ADGRV1: variants seen among roughly 807,000 people sequenced by gnomAD.
ADGRV1 encodes G-protein coupled receptor 98.
Under a neutral mutation model 596.2 loss-of-function variants are expected in ADGRV1, and 359 were observed. That is an observed-to-expected ratio of 0.60 (90% CI 0.55 to 0.66). The LOEUF (loss-of-function observed/expected upper bound fraction) is 0.66, where lower values mean the gene tolerates loss of function less well. Among genes scored for constraint, ADGRV1 ranks in the 30% least tolerant of loss-of-function variants. The pLI is 0.00. For missense variants in ADGRV1, 7,274 were observed against 7,575.6 expected (o/e 0.96, Z 1.48); for synonymous variants, 2,681 against 2,679.2 (o/e 1.00, Z -0.02).
intron 83 of ADGRV1, among the ~76,000 whole-genome samples, chr5:90,869,784 T>A (rs1768487844): frequency 6.6e-6 from 1 of 152,212 alleles, no homozygotes; most frequent in Non-Finnish European, 1.5e-5. Flanking sequence ...TAGGTACTAA[T>A]ATTATTCTCA....
Position 90,828,952 on chromosome 5 carries a change from G to GGTTGAAGTGTATTTTTTT in ADGRV1, c.16380_16397dup (p.Val5462_Glu5467dup). On this transcript the variant is annotated inframe_insertion, in exon 77 of 90. Coordinates refer to ENST00000405460, the MANE Select transcript of ADGRV1 (RefSeq NM_032119.4). ...CTTTTTCTCATTGTCAGGTACCACAGGTTGAAGTGTATTTTTTTGTGGAAC... is the reference window on the plus strand; with the variant it reads ...CTTTTTCTCATTGTCAGGTACCACAGGTTGAAGTGTATTTTTTTGTTGAAGTGTATTTTTTTGTGGAAC... 6.3e-7 allele frequency: 1 copy of GGTTGAAGTGTATTTTTTT among 1,578,774 alleles called. No individual in the cohort carries two copies. The highest frequency in any genetic ancestry group is 8.6e-7 in the Non-Finnish European group (1 of 1,158,898).
chr5:90,675,504 C>CCAGAGAAGGATTATG, intron 24 of ADGRV1, 59 bp downstream of exon 24: 2 of 1,446,766 alleles, frequency 1.4e-6, no homozygotes, highest in African/African-American at 1.4e-5. Context: ...CATAATCCTT[C>CCAGAGAAGGATTATG]TCTGGAAGGG....
chr5:90,650,540 G>A lies in ADGRV1; in HGVS notation c.3290-1064G>A, dbSNP rs538866888. 2.6e-5 allele frequency among the ~76,000 whole-genome samples: 4 copies of A among 152,130 alleles called. No homozygotes were observed. In the South Asian group the frequency reaches 8.3e-4, roughly 32 times the overall value. On this transcript the variant is annotated intron_variant, in intron 17 of 89. Coordinates refer to ENST00000405460, the MANE Select transcript of ADGRV1 (RefSeq NM_032119.4). ...AGCTGGTTTGCTATATATAAAATTT[G>A]TTTCTATAATTTTAGCTGTAGGTGT... is the stretch of plus-strand genomic sequence containing the variant.
Position 91,030,916 on chromosome 5 carries a change from CA to C in ADGRV1, c.18153-41530del, listed in dbSNP as rs369199702. On this transcript the variant is annotated intron_variant, in intron 85 of 89. Transcript: ENST00000405460. ...TTTCCTGAGATCTGTGAAGAAACTG[CA>C]GTCTTGTGATCAGAGTCCATATAGT... 4.7e-6 allele frequency: 3 copies of C among 636,112 alleles called. No individual in the cohort carries two copies. In the African/African-American group the frequency reaches 5.6e-5, roughly 12 times the overall value. The allele number at this position is 636,112 out of a possible 1,614,324, so 39.4% of individuals were successfully genotyped here.
chr5:90,716,194 A>G (rs1398286122), intron 42 of ADGRV1, among the ~76,000 whole-genome samples: 1 of 152,130 alleles, frequency 6.6e-6, no homozygotes, highest in Non-Finnish European at 1.5e-5. Flanking sequence ...TAATGTTTCA[A>G]TATTTGATAT....
At chr5:91,132,817 A>G (rs1235316175) in intron 87 of ADGRV1, among the ~76,000 whole-genome samples, 1 of 152,214 alleles carries the variant, frequency 6.6e-6, no homozygotes, top group Admixed American at 6.5e-5. Flanking sequence ...GAATGTGCAA[A>G]GGCACTGAGG....
intron 43 of ADGRV1, 170 bp downstream of exon 43, chr5:90,716,899 C>T (rs1750185927): frequency 1.9e-6 from 1 of 535,876 alleles, no homozygotes; most frequent in South Asian, 3.2e-5. Context: ...GTTCTATTTA[C>T]TCTGTATAAA....
intron 83 of ADGRV1, among the ~76,000 whole-genome samples, chr5:90,927,291 G>C (rs568969122): frequency 6.6e-6 from 1 of 151,246 alleles, no homozygotes; most frequent in South Asian, 2.1e-4. Flanking sequence ...AGGTCACTCA[G>C]GACTTGCTTT....
chr5:91,089,367 G>C (rs1393220067), intron 86 of ADGRV1, among the ~76,000 whole-genome samples: 1 of 152,040 alleles, frequency 6.6e-6, no homozygotes, highest in Admixed American at 6.6e-5. Context: ...CACATTAATA[G>C]AGAGTCAAAG....
rs995887994 is a variant in ADGRV1 at position 90,615,397 on chromosome 5, T to TA, written c.207+387dup. 1.2e-3 allele frequency among the ~76,000 whole-genome samples: 178 copies of TA among 151,180 alleles called. 2 individuals carry two copies. The highest frequency in any genetic ancestry group is 3.4e-3 in the African/African-American group (142 of 41,338). The stretch of plus-strand genomic sequence containing the variant: ...TTTAAAAGTAGAGAAACGACAATAG[T>TA]AAAAAAAAACTTTAGTTATGTCCAA... On this transcript the variant is annotated intron_variant, in intron 2 of 89. Coordinates refer to ENST00000405460, the MANE Select transcript of ADGRV1 (RefSeq NM_032119.4).
At chr5:90,652,282 A>G in intron 18 of ADGRV1, 64 bp from the exon 19 acceptor site, 1 of 1,165,878 alleles carries the variant, frequency 8.6e-7, no homozygotes, top group Non-Finnish European at 1.2e-6. Flanking sequence ...TTCCTTAATA[A>G]CACAGGAAGC....
At chr5:91,035,861 T>TAATATATATATATA in intron 85 of ADGRV1, among the ~76,000 whole-genome samples, 7 of 96,398 alleles carry the variant, frequency 7.3e-5, no homozygotes, top group Admixed American at 1.1e-4. Context: ...TATATATATA[T>TAATATATATATATA]TATATATATA....
intron 25 of ADGRV1, among the ~76,000 whole-genome samples, chr5:90,677,733 A>G (rs1744419727): frequency 6.6e-6 from 1 of 152,192 alleles, no homozygotes; most frequent in Non-Finnish European, 1.5e-5. Flanking sequence ...ATTGGACTTG[A>G]ATACTCACTA....
intron 38 of ADGRV1, among the ~76,000 whole-genome samples, chr5:90,708,231 T>A (rs1748867108): frequency 6.6e-6 from 1 of 152,188 alleles, no homozygotes; most frequent in Non-Finnish European, 1.5e-5. Flanking sequence ...TTATGTGGAC[T>A]GGTGATTAAT....
intron 1 of ADGRV1, among the ~76,000 whole-genome samples, chr5:90,566,673 A>G (rs958486371): frequency 6.6e-6 from 1 of 152,004 alleles, no homozygotes; most frequent in African/African-American, 2.4e-5. Flanking sequence ...ATTCTTGTAT[A>G]TTGATTTTGT....
chr5:90,895,921 G>A (rs1002613334), intron 83 of ADGRV1, among the ~76,000 whole-genome samples: 2 of 151,918 alleles, frequency 1.3e-5, no homozygotes, highest in African/African-American at 4.8e-5. Context: ...CAGTTGGCCT[G>A]AAAGTTGTTT....
intron 86 of ADGRV1, among the ~76,000 whole-genome samples, chr5:91,097,743 C>CT (rs1791000099): frequency 6.6e-6 from 1 of 151,962 alleles, no homozygotes; most frequent in African/African-American, 2.4e-5. Context: ...CTTACTATTT[C>CT]TTGTTTTTTT....
chr5:90,911,310 A>G (rs572808125), intron 83 of ADGRV1, among the ~76,000 whole-genome samples: 1 of 152,314 alleles, frequency 6.6e-6, no homozygotes, highest in African/African-American at 2.4e-5. Context: ...TTTCAGACAG[A>G]CAATGAGCCA....
chr5:90,782,334 A>G (rs1406709669), intron 65 of ADGRV1, among the ~76,000 whole-genome samples: 3 of 152,134 alleles, frequency 2.0e-5, no homozygotes, highest in African/African-American at 4.8e-5. Flanking sequence ...GTGAACTTCA[A>G]TCTGTACCTG....
Sources: allele counts gnomAD v4.1 joint callset (sites outside exome capture counted in the v4.1 genomes callset), GRCh38; gene constraint gnomAD v4.1.1; transcripts MANE v1.5; gene names NCBI Gene and HGNC (gene_info 2026-07-23, HGNC 2026-07-21).